The following ADGRL2 variants were observed in gnomAD, a reference collection of about 807,000 sequenced individuals.
The protein encoded by ADGRL2 is adhesion G protein-coupled receptor L2.
A neutral mutation model predicts 157.4 loss-of-function variants in ADGRL2; 44 were observed. The observed-to-expected ratio is 0.28, with a 90% CI of 0.22 to 0.36. ADGRL2 has a LOEUF of 0.36. ADGRL2 is among the 10% of genes least tolerant of loss of function. The pLI is 1.00. For missense variants in ADGRL2, 1,510 were observed against 1,768.9 expected, an observed-to-expected ratio of 0.85 and a Z score of 2.63; for synonymous variants, 585 against 624.7, an observed-to-expected ratio of 0.94 and a Z score of 0.95.
chr1:81,421,195 G>GA (rs1234260186), intron 1 of ADGRL2, among the ~76,000 whole-genome samples: 1 of 152,148 alleles, frequency 6.6e-6, no homozygotes, highest in Non-Finnish European at 1.5e-5. Context: ...AGAAGAAGAA[G>GA]AAAAACAACT....
chr1:81,488,894 G>A (rs1474564979), intron 2 of ADGRL2, among the ~76,000 whole-genome samples: 2 of 152,034 alleles, frequency 1.3e-5, no homozygotes, highest in African/African-American at 4.8e-5. Flanking sequence ...AAGATAAAGA[G>A]AAAGTCAATA....
chr1:81,838,157 G>A (rs1407936874), intron 2 of ADGRL2, among the ~76,000 whole-genome samples: 1 of 151,932 alleles, frequency 6.6e-6, no homozygotes, highest in South Asian at 2.1e-4. Flanking sequence ...GCTTCAAAAT[G>A]TTAACGTTTT....
rs140314669 is a variant in ADGRL2 at position 81,592,132 on chromosome 1, A to G, written c.-143+11152A>G. On this transcript the variant is annotated intron_variant, in intron 3 of 24. Transcript: ENST00000370721. Reference sequence around the variant, plus strand: ...AATTAGCCATATCTTTAGAGTTCCAATTTCCCCATACCTCTCAAAGCCAGA... The same window carrying G: ...AATTAGCCATATCTTTAGAGTTCCAGTTTCCCCATACCTCTCAAAGCCAGA... Among the ~76,000 whole-genome samples, 378 of 152,208 alleles carry G rather than the reference A, an allele frequency of 2.5e-3. 2 individuals are homozygous for G. Among genetic ancestry groups the G allele is most frequent in the African/African-American group, 8.4e-3 (349 of 41,548 alleles).
intron 4 of ADGRL2, among the ~76,000 whole-genome samples, chr1:81,937,233 T>A (rs2095324066): frequency 6.6e-6 from 1 of 151,932 alleles, no homozygotes; most frequent in Non-Finnish European, 1.5e-5. Flanking sequence ...CCTGCTGTTG[T>A]AGTAAGTTTA....
chr1:81,526,864 G>A (rs543459422), intron 2 of ADGRL2, among the ~76,000 whole-genome samples: 4 of 152,302 alleles, frequency 2.6e-5, no homozygotes, highest in African/African-American at 9.6e-5. Flanking sequence ...GTTCGCCCAA[G>A]GGCAGAGCTA....
chr1:81,459,139 A>G (rs1571023899), intron 2 of ADGRL2, among the ~76,000 whole-genome samples: 1 of 152,114 alleles, frequency 6.6e-6, no homozygotes, highest in African/African-American at 2.4e-5. Flanking sequence ...GTGGTCTTGG[A>G]AAAAGCACCA....
rs1244655689 is a variant in ADGRL2, at chr1:81,993,104, T to A, written c.*1959T>A. The stretch of plus-strand genomic sequence containing the variant: ...ATATATATATTTTTTTTTTTTTTTT[T>A]TTTTTTTTTTTTTTTGGGACAGAGT... On this transcript the variant is annotated 3_prime_UTR_variant, in exon 24 of 24. Transcript: ENST00000686636. Among the ~76,000 whole-genome samples the A allele has an allele frequency of 5.9e-3, 585 of 99,544 alleles. 2 individuals are homozygous for A. The highest frequency in any genetic ancestry group is 0.024 in the African/African-American group (562 of 23,672). The allele number at this position is 99,544 out of a possible 152,430, so 65.3% of individuals were successfully genotyped here.
rs775685818 is a variant in ADGRL2 at position 81,990,803 on chromosome 1, G to A, written c.4068G>A (p.Glu1356=). ...AACCCCAGAAGAAAGTGAAGTCCGA[G>A]GGAACTGACAGCTATGTCTCCCAAC... ...LYQPQKKVKS[E]GTDSYVSQLT... The change falls in exon 24 of 24, where the codon GAG becomes GAA. Residue 1356 remains glutamate (E), a synonymous_variant. Coordinates refer to ENST00000686636, the MANE Select transcript of ADGRL2 (RefSeq NM_001366006.2). 1.9e-6 allele frequency: 3 copies of A among 1,614,104 alleles called. No individual in the cohort carries two copies. The highest frequency in any genetic ancestry group is 8.5e-7 in the Non-Finnish European group (1 of 1,180,008).
At chr1:81,563,044 G>A (rs2080478940) in intron 2 of ADGRL2, among the ~76,000 whole-genome samples, 1 of 152,110 alleles carries the variant, frequency 6.6e-6, no homozygotes, top group African/African-American at 2.4e-5. Context: ...GCCTGGTGCT[G>A]TAATACACTG....
At chr1:81,944,245 C>T (rs1197675443) in intron 6 of ADGRL2, among the ~76,000 whole-genome samples, 1 of 151,916 alleles carries the variant, frequency 6.6e-6, no homozygotes, top group Non-Finnish European at 1.5e-5. Flanking sequence ...AGGGAGCCAT[C>T]CAATATTTTT....
intron 2 of ADGRL2, among the ~76,000 whole-genome samples, chr1:81,842,427 C>T (rs1383600065): frequency 3.7e-5 from 5 of 135,040 alleles, no homozygotes; most frequent in Non-Finnish European, 6.1e-5. Flanking sequence ...GGATGATCTC[C>T]GCTCACTGAA....
At chr1:81,488,389 T>G (rs1216866255) in intron 2 of ADGRL2, among the ~76,000 whole-genome samples, 2 of 152,092 alleles carry the variant, frequency 1.3e-5, no homozygotes, top group African/African-American at 4.8e-5. Context: ...TTTCCAGAGT[T>G]ACCACATTAT....
intron 3 of ADGRL2, among the ~76,000 whole-genome samples, chr1:81,919,165 A>C (rs1370474385): frequency 6.6e-6 from 1 of 152,108 alleles, no homozygotes; most frequent in Non-Finnish European, 1.5e-5. Flanking sequence ...GAGAAGAGAG[A>C]CTGAAAGATT....
chr1:81,939,055 T>G (rs2148894798), intron 4 of ADGRL2, among the ~76,000 whole-genome samples: 1 of 151,688 alleles, frequency 6.6e-6, no homozygotes, highest in Middle Eastern at 3.4e-3. Flanking sequence ...CCAATTTCTA[T>G]CCCCAGTAAA....
At chr1:81,642,248 C>CA (rs35830955) in intron 3 of ADGRL2, among the ~76,000 whole-genome samples, 5,948 of 60,510 alleles carry the variant, frequency 0.098, 218 homozygotes, top group Non-Finnish European at 0.14. Context: ...ACTCTGTCTC[C>CA]AAAAAAAAAA....
intron 10 of ADGRL2, among the ~76,000 whole-genome samples, chr1:81,953,718 A>G (rs2149106123): frequency 6.6e-6 from 1 of 152,296 alleles, no homozygotes; most frequent in African/African-American, 2.4e-5. Context: ...ATAGATCAAA[A>G]TAATAATACC....
chr1:81,906,150 G>T (rs570963897), intron 2 of ADGRL2, among the ~76,000 whole-genome samples: 1 of 152,048 alleles, frequency 6.6e-6, no homozygotes, highest in Admixed American at 6.6e-5. Context: ...TATAAACCTT[G>T]TTAGTGAAAA....
At chr1:81,745,478 C>G (rs757782491) in intron 1 of ADGRL2, among the ~76,000 whole-genome samples, 5 of 152,092 alleles carry the variant, frequency 3.3e-5, no homozygotes, top group Non-Finnish European at 7.4e-5. Context: ...ACAGAAATGG[C>G]AATTTCATAT....
chr1:81,730,765 A>G (rs2084695517), intron 1 of ADGRL2, among the ~76,000 whole-genome samples: 1 of 152,150 alleles, frequency 6.6e-6, no homozygotes, highest in African/African-American at 2.4e-5. Flanking sequence ...TCAAACAAGT[A>G]GAGAACCACT....
Sources: gnomAD v4.1 joint callset for allele counts (sites outside exome capture counted in the v4.1 genomes callset) on GRCh38, gnomAD v4.1.1 for gene constraint, MANE v1.5 for transcripts, NCBI Gene and HGNC (gene_info 2026-07-23, HGNC 2026-07-21) for gene names.